Variants in PDPN observed in about 807,000 individuals in gnomAD.
The protein encoded by PDPN is podoplanin.
In PDPN, 12 loss-of-function variants were observed where a neutral mutation model predicts 23.2. The ratio of observed to expected loss-of-function variants is 0.52; its 90% CI spans 0.33 to 0.84. The LOEUF (loss-of-function observed/expected upper bound fraction) is 0.84. Ranked by LOEUF, PDPN falls within the 40% of genes least tolerant of loss-of-function variation. The pLI is 0.02. For missense variants in PDPN, 199 were observed against 212.2 expected (o/e 0.94, Z 0.39); for synonymous variants, 77 against 76.7 (o/e 1.00, Z -0.02).
At chr1:13,614,069 A>C (rs1363769499) in intron 4 of PDPN, among the ~76,000 whole-genome samples, 1 of 152,160 alleles carries the variant, frequency 6.6e-6, no homozygotes, top group African/African-American at 2.4e-5. Flanking sequence ...CACTTAAGCC[A>C]ATGTGAATGT....
upstream of PDPN, chr1:13,583,821 G>C (rs771483531): frequency 1.9e-6 from 3 of 1,551,560 alleles, no homozygotes; most frequent in Non-Finnish European, 2.6e-6. Flanking sequence ...GACTCCGCTC[G>C]GAAAGTTCTC....
chr1:13,591,185 C>T (rs1418576647), intron 1 of PDPN, among the ~76,000 whole-genome samples: 3 of 152,114 alleles, frequency 2.0e-5, no homozygotes, highest in Non-Finnish European at 2.9e-5. Context: ...CGTGATCCGC[C>T]CACCTCAGCC....
At chr1:13,596,648 G>A (rs181080386) in intron 1 of PDPN, among the ~76,000 whole-genome samples, 1 of 152,294 alleles carries the variant, frequency 6.6e-6, no homozygotes, top group East Asian at 1.9e-4. Context: ...TTCAGACGAG[G>A]TCAGGCGTGT....
In PDPN at chr1:13,608,733, A is replaced by G. The variant is rs548177060; in HGVS notation, c.201+1427A>G. Among the ~76,000 whole-genome samples, 318 of 152,338 alleles carry G rather than the reference A, an allele frequency of 2.1e-3. 1 individual carries two copies. The highest frequency in any genetic ancestry group is 3.7e-3 in the Non-Finnish European group (254 of 68,030). On this transcript the variant is annotated intron_variant, in intron 2 of 5. Coordinates refer to ENST00000621990, the MANE Select transcript of PDPN (RefSeq NM_006474.5). Reference sequence around the variant, plus strand: ...GCAGGACTGGTTGTCACAAGAGCACACCGAACAAAGGCGGGAAAGGGTTTT... The same window carrying G: ...GCAGGACTGGTTGTCACAAGAGCACGCCGAACAAAGGCGGGAAAGGGTTTT...
At chr1:13,587,623 G>A (rs553690918) in intron 1 of PDPN, among the ~76,000 whole-genome samples, 1 of 152,302 alleles carries the variant, frequency 6.6e-6, no homozygotes, top group South Asian at 2.1e-4. Flanking sequence ...AGTACCCAGT[G>A]TGCACGTTTT....
intron 1 of PDPN, among the ~76,000 whole-genome samples, chr1:13,587,846 A>G (rs1640220999): frequency 6.6e-6 from 1 of 152,116 alleles, no homozygotes; most frequent in Non-Finnish European, 1.5e-5. Flanking sequence ...TCCTTCCCAC[A>G]TGTCTAACCC....
At chr1:13,603,229 A>G (rs1376388434) in intron 1 of PDPN, among the ~76,000 whole-genome samples, 1 of 152,096 alleles carries the variant, frequency 6.6e-6, no homozygotes, top group Admixed American at 6.5e-5. Context: ...CTAAAAATAT[A>G]AAAATTAGCT....
chr1:13,611,056 C>T (rs2100279024), intron 3 of PDPN, among the ~76,000 whole-genome samples: 1 of 152,134 alleles, frequency 6.6e-6, no homozygotes, highest in African/African-American at 2.4e-5. Context: ...CCCGTCTCTA[C>T]TGAAAATACT....
chr1:13,611,430 A>G (rs1457569434), intron 3 of PDPN, among the ~76,000 whole-genome samples: 3 of 152,200 alleles, frequency 2.0e-5, no homozygotes, highest in Non-Finnish European at 4.4e-5. Flanking sequence ...ATAATACAAC[A>G]TGGAGGAAAC....
chr1:13,602,645 C>G (rs571727563), intron 1 of PDPN, among the ~76,000 whole-genome samples: 1 of 152,306 alleles, frequency 6.6e-6, no homozygotes, highest in South Asian at 2.1e-4. Flanking sequence ...TCACTGCAAT[C>G]TCTGCCTCCT....
At chr1:13,585,197 A>AGGCCTAGG (rs1640143539) in intron 1 of PDPN, among the ~76,000 whole-genome samples, 1 of 152,158 alleles carries the variant, frequency 6.6e-6, no homozygotes. Flanking sequence ...GGATCAAGGT[A>AGGCCTAGG]GGCCTAGGCC....
At chr1:13,612,589 G>T (rs1189500539) in intron 3 of PDPN, among the ~76,000 whole-genome samples, 1 of 152,128 alleles carries the variant, frequency 6.6e-6, no homozygotes, top group Admixed American at 6.5e-5. Flanking sequence ...TGTCCTATAT[G>T]GTGGGGTAGC....
At chr1:13,587,753 C>A (rs899552708) in intron 1 of PDPN, among the ~76,000 whole-genome samples, 1 of 152,166 alleles carries the variant, frequency 6.6e-6, no homozygotes, top group Non-Finnish European at 1.5e-5. Flanking sequence ...GGCATTTTAT[C>A]TGGGGCTGTG....
intron 5 of PDPN, among the ~76,000 whole-genome samples, chr1:13,615,035 A>G (rs1641031546): frequency 6.6e-6 from 1 of 152,196 alleles, no homozygotes; most frequent in Non-Finnish European, 1.5e-5. Flanking sequence ...GTCTCCAACC[A>G]TCAGAGAAAA....
chr1:13,603,778 G>A (rs1037727991), intron 1 of PDPN, among the ~76,000 whole-genome samples: 3 of 151,916 alleles, frequency 2.0e-5, no homozygotes, highest in Admixed American at 6.6e-5. Context: ...TAGTAGAGAC[G>A]GGGTTTCACC....
intron 1 of PDPN, among the ~76,000 whole-genome samples, chr1:13,606,595 G>T (rs1193282886): frequency 6.6e-6 from 1 of 152,098 alleles, no homozygotes; most frequent in Non-Finnish European, 1.5e-5. Flanking sequence ...TTGAGCCCAG[G>T]AGTTTGAGGT....
At chr1:13,614,499 T>C in intron 5 of PDPN, 88 bp downstream of exon 5, 1 of 779,640 alleles carries the variant, frequency 1.3e-6, no homozygotes, top group South Asian at 1.6e-5. Flanking sequence ...AAATCTCTGA[T>C]ATAAGCTGGG....
intron 2 of PDPN, among the ~76,000 whole-genome samples, chr1:13,608,120 T>C (rs1640839991): frequency 6.6e-6 from 1 of 151,996 alleles, no homozygotes; most frequent in Admixed American, 6.6e-5. Flanking sequence ...AATAAATAAA[T>C]AAATAAGTCA....
intron 5 of PDPN, 173 bp downstream of exon 5, chr1:13,614,584 C>T (rs1426348076): frequency 3.6e-6 from 2 of 560,906 alleles, no homozygotes; most frequent in African/African-American, 1.9e-5. Context: ...AAGACCCTGT[C>T]TCAAAAAAAT....
Sources: allele counts gnomAD v4.1 joint callset (sites outside exome capture counted in the v4.1 genomes callset), GRCh38; gene constraint gnomAD v4.1.1; transcripts MANE v1.5; gene names NCBI Gene and HGNC (gene_info 2026-07-23, HGNC 2026-07-21).